The following KIRREL3 variants were observed in gnomAD, a reference collection of about 807,000 sequenced individuals.
The protein encoded by KIRREL3 is kirre like nephrin family adhesion molecule 3.
In KIRREL3, 36 loss-of-function variants were observed where a neutral mutation model predicts 89.7. The observed-to-expected ratio is 0.40, with a 90% CI of 0.31 to 0.53. KIRREL3 has a LOEUF of 0.53. Among genes scored for constraint, KIRREL3 ranks in the 20% least tolerant of loss-of-function variants. The probability of loss-of-function intolerance (pLI) is 0.49; values close to 1 mark genes in which losing one functional copy is unlikely to be tolerated. For synonymous variants in KIRREL3, 445 were observed against 441.4 expected (o/e 1.01, Z -0.10); for missense variants, 864 against 1,056.6 (o/e 0.82, Z 2.53).
chr11:126,661,492 A>G (rs1263850237), intron 1 of KIRREL3, among the ~76,000 whole-genome samples: 2 of 152,234 alleles, frequency 1.3e-5, no homozygotes, highest in Non-Finnish European at 2.9e-5. Flanking sequence ...GTCTAGGATT[A>G]ATCTGTGCTC....
intron 1 of KIRREL3, among the ~76,000 whole-genome samples, chr11:126,672,278 C>A (rs1945987215): frequency 6.6e-6 from 1 of 152,142 alleles, no homozygotes. Flanking sequence ...TATATAAAGA[C>A]CCTAAAGTTG....
At chr11:126,826,287 A>C (rs1245967340) in intron 1 of KIRREL3, among the ~76,000 whole-genome samples, 1 of 152,198 alleles carries the variant, frequency 6.6e-6, no homozygotes, top group Admixed American at 6.5e-5. Context: ...GGAAAAATTT[A>C]GATGCTCGGT....
intron 1 of KIRREL3, among the ~76,000 whole-genome samples, chr11:126,661,217 C>T (rs1945387398): frequency 6.6e-6 from 1 of 152,148 alleles, no homozygotes; most frequent in Non-Finnish European, 1.5e-5. Flanking sequence ...GACACTGTGT[C>T]TCAGAAAAAA....
intron 1 of KIRREL3, among the ~76,000 whole-genome samples, chr11:126,829,300 A>G (rs1943524713): frequency 6.6e-6 from 1 of 152,234 alleles, no homozygotes; most frequent in African/African-American, 2.4e-5. Context: ...GCATCTCATA[A>G]AAGGTAAAGG....
At chr11:126,662,219 A>C (rs1945436413) in intron 1 of KIRREL3, among the ~76,000 whole-genome samples, 1 of 152,168 alleles carries the variant, frequency 6.6e-6, no homozygotes, top group Non-Finnish European at 1.5e-5. Context: ...GGGACCCATA[A>C]AAGGAAAAAT....
rs368037457 is a variant in KIRREL3 at position 126,931,254 on chromosome 11, G to A, written c.55+69201C>T. Among the ~76,000 whole-genome samples, 6 of 152,240 alleles carry A rather than the reference G, an allele frequency of 3.9e-5. No individual in the cohort carries two copies. The South Asian group carries it at 1.0e-3, about 26-fold the overall frequency. On this transcript the variant is annotated intron_variant, in intron 1 of 16. Transcript: ENST00000525144. The surrounding 1 kb of genome is among the most constrained non-coding windows in gnomAD (Gnocchi z 5.1). ...ACTGTTGTTATCTCCAGAACCTATC[G>A]CAGTGTCTGGCACATAGGATGTACT...
rs1445631346 is a variant in KIRREL3, at chr11:126,754,381, C to T, written c.56-191469G>A. ...CAGAACGTACCTCTCTAACTTTACA[C>T]TCTCTATATGTCTGTCTCTGGTCTT... On this transcript the variant is annotated intron_variant, in intron 1 of 16. Transcript: ENST00000525144. The surrounding 1 kb of genome is among the most constrained non-coding windows in gnomAD (Gnocchi z 5.1). 6.6e-6 allele frequency among the ~76,000 whole-genome samples: 1 copy of T among 152,208 alleles called. No homozygotes were observed. Among genetic ancestry groups the T allele is most frequent in the East Asian group, 1.9e-4 (1 of 5,194 alleles).
Position 126,818,191 on chromosome 11 carries a change from C to T in KIRREL3, c.55+182264G>A, listed in dbSNP as rs1039969853. ...GCACAGCCAGGACAGAAGCCAGCTG[C>T]GTGCCAGACGAAGTGTTTTCACAGC... On this transcript the variant is annotated intron_variant, in intron 1 of 16. Coordinates refer to ENST00000525144, the MANE Select transcript of KIRREL3 (RefSeq NM_032531.4). Among the ~76,000 whole-genome samples the T allele has an allele frequency of 3.3e-5, 5 of 152,268 alleles. No homozygotes were observed. In the East Asian group the frequency reaches 7.7e-4, roughly 24 times the overall value.
rs1231704595 is a variant in KIRREL3, at chr11:126,987,331, A to T, written c.55+13124T>A. ...AAGACTAAGACAATTTAACTAAAAA[A>T]TACAACCGTCTATGTATTTTCAAAC... On this transcript the variant is annotated intron_variant, in intron 1 of 16. Coordinates refer to ENST00000525144, the MANE Select transcript of KIRREL3 (RefSeq NM_032531.4). The surrounding 1 kb of genome is among the most constrained non-coding windows in gnomAD (Gnocchi z 4.6). Among the ~76,000 whole-genome samples, 2 of 152,254 alleles carry T rather than the reference A, an allele frequency of 1.3e-5. No individual in the cohort carries two copies. The highest frequency in any genetic ancestry group is 6.5e-5 in the Admixed American group (1 of 15,290).
rs557774682 is a variant in KIRREL3 at position 126,514,074 on chromosome 11, G to T, written c.433+7241C>A. Among the ~76,000 whole-genome samples, 30 of 152,240 alleles carry T rather than the reference G, an allele frequency of 2.0e-4. No homozygotes were observed. The South Asian group carries it at 6.2e-3, about 32-fold the overall frequency. The stretch of plus-strand genomic sequence containing the variant: ...TGCTTCTGGCCCAGGGGACATGGGG[G>T]TAGTCTGGGCTACCAGGAAGGGAGC... On this transcript the variant is annotated intron_variant, in intron 4 of 16. Transcript: ENST00000525144.
chr11:126,517,906 G>A (rs541835005), intron 4 of KIRREL3, among the ~76,000 whole-genome samples: 2 of 152,320 alleles, frequency 1.3e-5, no homozygotes, highest in South Asian at 2.1e-4. Flanking sequence ...TGCTGTTTCC[G>A]TGACGCTGTG....
At chr11:126,936,846 T>A (rs1948211327) in intron 1 of KIRREL3, 2 of 152,210 alleles carry the variant, frequency 1.3e-5, no homozygotes, top group Admixed American at 1.3e-4. Flanking sequence ...TCCGAACAAC[T>A]GTGTAAATTT....
chr11:126,749,405 AC>A (rs1949261484), intron 1 of KIRREL3, among the ~76,000 whole-genome samples: 2 of 152,180 alleles, frequency 1.3e-5, no homozygotes, highest in South Asian at 4.2e-4. Context: ...GGTTCAAGTT[AC>A]CCCATTCCTC....
intron 1 of KIRREL3, among the ~76,000 whole-genome samples, chr11:126,726,278 A>C (rs117604059): frequency 1.3e-5 from 2 of 152,210 alleles, no homozygotes; most frequent in African/African-American, 4.8e-5. Flanking sequence ...GATCTCTGAC[A>C]TATTTTCTAG....
Position 126,562,808 on chromosome 11 carries a change from C to T in KIRREL3, c.133+27G>A, listed in dbSNP as rs146803972. The T allele has an allele frequency of 8.2e-5, 131 of 1,600,646 alleles. No individual in the cohort carries two copies. Among genetic ancestry groups the T allele is most frequent in the East Asian group, 7.6e-4 (34 of 44,804 alleles). On this transcript the variant is annotated intron_variant, in intron 2 of 16. Coordinates refer to ENST00000525144, the MANE Select transcript of KIRREL3 (RefSeq NM_032531.4). This position sits in a 1 kb window ranked among gnomAD's most constrained non-coding sequence, Gnocchi z 4.7. ...GAGCTTCCTCCCTCCAGATTACTCC[C>T]GAGACAATGGGGAGGTTCTCACTGA...
At chr11:126,937,984 A>G (rs905500305) in intron 1 of KIRREL3, among the ~76,000 whole-genome samples, 2 of 152,196 alleles carry the variant, frequency 1.3e-5, no homozygotes, top group Non-Finnish European at 2.9e-5. Context: ...AGAGAACCCC[A>G]AAGAGTCACA....
chr11:126,974,183 A>G (rs953624822), intron 1 of KIRREL3, among the ~76,000 whole-genome samples: 9 of 152,152 alleles, frequency 5.9e-5, no homozygotes, highest in African/African-American at 2.2e-4. Context: ...AGACTTGTCC[A>G]TCTCTTTGTT....
intron 1 of KIRREL3, among the ~76,000 whole-genome samples, chr11:126,893,421 A>AGGGATGCTAATGAGTGCATTT (rs1946005107): frequency 6.6e-6 from 1 of 152,364 alleles, no homozygotes; most frequent in East Asian, 1.9e-4. Flanking sequence ...TCATAATAGC[A>AGGGATGCTAATGAGTGCATTT]GGGATGCTAA....
intron 1 of KIRREL3, among the ~76,000 whole-genome samples, chr11:126,746,662 G>A (rs1228898203): frequency 6.6e-6 from 1 of 152,136 alleles, no homozygotes; most frequent in Non-Finnish European, 1.5e-5. Flanking sequence ...ACCACACCCT[G>A]ATCTCTATGA....
Sources: allele counts gnomAD v4.1 joint callset (sites outside exome capture counted in the v4.1 genomes callset), GRCh38; gene constraint gnomAD v4.1.1; non-coding constraint Gnocchi (gnomAD v3.1); transcripts MANE v1.5; gene names NCBI Gene and HGNC (gene_info 2026-07-23, HGNC 2026-07-21).